The following LRRIQ1 variants were observed in gnomAD, a reference collection of about 807,000 sequenced individuals.
LRRIQ1 encodes the protein leucine-rich repeat- and IQ domain-containing protein 1.
LRRIQ1 carries 210 observed loss-of-function variants against 211.9 expected under a neutral mutation model. The ratio of observed to expected loss-of-function variants is 0.99; its 90% confidence interval spans 0.89 to 1.11. The LOEUF is 1.11. LRRIQ1 is among the 50% of genes most tolerant of loss of function. The pLI, the probability that LRRIQ1 is intolerant of heterozygous loss-of-function variation, is 0.00. For missense variants in LRRIQ1, 2,136 were observed against 1,939.5 expected, an observed-to-expected ratio of 1.10 and a Z score of -1.90; for synonymous variants, 699 against 650.1, an observed-to-expected ratio of 1.08 and a Z score of -1.14.
At chr12:85,120,589 A>G (rs1388124197) in intron 15 of LRRIQ1, among the ~76,000 whole-genome samples, 1 of 152,222 alleles carries the variant, frequency 6.6e-6, no homozygotes, top group Non-Finnish European at 1.5e-5. Flanking sequence ...TTTGATTGGC[A>G]GTGAGTTTAA....
At chr12:85,176,525 AGGTGGGAATTGAACAATGAGATCACAT>A (rs1302268055) in intron 24 of LRRIQ1, among the ~76,000 whole-genome samples, 3 of 142,130 alleles carry the variant, frequency 2.1e-5, no homozygotes, top group African/African-American at 7.9e-5. Flanking sequence ...TCTCACTCAT[AGGTGGGAATTGAACAATGAGATCACAT>A]GGACACAGGA....
At chr12:85,249,021 T>C (rs532325595), downstream of LRRIQ1, among the ~76,000 whole-genome samples, 1 of 151,950 alleles carries the variant, frequency 6.6e-6, no homozygotes, top group South Asian at 2.1e-4. Context: ...AAAAAATAAG[T>C]GTTTTAGAAA....
At chr12:85,270,985 A>G in the LRRIQ1 span, among the ~76,000 whole-genome samples, 3 of 152,212 alleles carry the variant, frequency 2.0e-5, no homozygotes, top group Admixed American at 1.3e-4. Context: ...GCTTATCTGT[A>G]TAATGAAAAC....
At chr12:85,236,705 T>C (rs1216917778) in intron 26 of LRRIQ1, among the ~76,000 whole-genome samples, 1 of 151,414 alleles carries the variant, frequency 6.6e-6, no homozygotes. Context: ...AAGCCCGTTC[T>C]TGGAGGAAAA....
chr12:85,235,403 A>G (rs973524150), intron 26 of LRRIQ1, among the ~76,000 whole-genome samples: 5 of 152,174 alleles, frequency 3.3e-5, no homozygotes, highest in African/African-American at 1.2e-4. Flanking sequence ...GACTCCTGTG[A>G]GAGATGAAAG....
At chr12:85,197,965 T>A (rs1274695746) in intron 24 of LRRIQ1, among the ~76,000 whole-genome samples, 77 of 108,204 alleles carry the variant, frequency 7.1e-4, no homozygotes, top group African/African-American at 2.8e-3. Flanking sequence ...ATATATTATA[T>A]ATAAATATAT....
chr12:85,067,396 A>G (rs1474416662), intron 10 of LRRIQ1, among the ~76,000 whole-genome samples: 1 of 151,940 alleles, frequency 6.6e-6, no homozygotes, highest in East Asian at 1.9e-4. Flanking sequence ...CTCCAGAGCT[A>G]TATCTACATG....
chr12:85,086,856 G>A lies in LRRIQ1; in HGVS notation c.2888-11499G>A. 1.3e-5 allele frequency among the ~76,000 whole-genome samples: 2 copies of A among 151,814 alleles called. 1 individual carries two copies. Among genetic ancestry groups the A allele is most frequent in the East Asian group, 3.9e-4 (2 of 5,158 alleles). ...ATCTCTCCTCCTCCTGGCTTACAGG[G>A]GGAGTAGAAGCCCAGACTGCCTTAC... On this transcript the variant is annotated intron_variant, in intron 11 of 26. Coordinates refer to ENST00000393217, the MANE Select transcript of LRRIQ1 (RefSeq NM_001079910.2).
chr12:85,079,140 T>C lies in LRRIQ1; in HGVS notation c.2887+6042T>C, dbSNP rs75666545. 0.013 allele frequency among the ~76,000 whole-genome samples: 1,985 copies of C among 152,060 alleles called. 114 individuals are homozygous for C. The East Asian group carries it at 0.2, about 16-fold the overall frequency. Reference sequence around the variant, plus strand: ...ACCAAATAGCATTTTGGAATTATTATGAAAGCAGTACTGACTTTACAGAAT... The same window carrying C: ...ACCAAATAGCATTTTGGAATTATTACGAAAGCAGTACTGACTTTACAGAAT... On this transcript the variant is annotated intron_variant, in intron 11 of 26. Coordinates refer to ENST00000393217, the MANE Select transcript of LRRIQ1 (RefSeq NM_001079910.2).
At chr12:85,146,014 A>G (rs1021625953) in intron 19 of LRRIQ1, among the ~76,000 whole-genome samples, 1 of 151,704 alleles carries the variant, frequency 6.6e-6, no homozygotes, top group Non-Finnish European at 1.5e-5. Context: ...ACAAAAATCA[A>G]TTAGATTTGC....
intron 24 of LRRIQ1, among the ~76,000 whole-genome samples, chr12:85,163,467 G>T (rs1010055058): frequency 6.6e-6 from 1 of 151,988 alleles, no homozygotes; most frequent in African/African-American, 2.4e-5. Context: ...AATTTCCTTG[G>T]TTTTGTTGAA....
downstream of LRRIQ1, among the ~76,000 whole-genome samples, chr12:85,267,986 T>C (rs1294604929): frequency 6.6e-6 from 1 of 151,942 alleles, no homozygotes. Context: ...GCCTAATATC[T>C]TGATTTTCAT....
At chr12:85,125,289 G>A (rs1168793542) in intron 17 of LRRIQ1, among the ~76,000 whole-genome samples, 5 of 152,148 alleles carry the variant, frequency 3.3e-5, no homozygotes, top group Admixed American at 6.6e-5. Context: ...ATATTTGAAT[G>A]TATGTGCTAT....
chr12:85,126,760 T>C (rs1888395974), intron 17 of LRRIQ1, among the ~76,000 whole-genome samples: 1 of 152,096 alleles, frequency 6.6e-6, no homozygotes, highest in African/African-American at 2.4e-5. Flanking sequence ...GTAATACCGA[T>C]AATAAGCCAA....
chr12:85,175,403 C>A (rs866049498), intron 24 of LRRIQ1, among the ~76,000 whole-genome samples: 2 of 152,048 alleles, frequency 1.3e-5, no homozygotes, highest in South Asian at 2.1e-4. Flanking sequence ...TATATCAGAT[C>A]AACTCTAAAG....
chr12:85,253,441 G>A (rs1896005523), intron 1 of LRRIQ1, among the ~76,000 whole-genome samples: 1 of 151,938 alleles, frequency 6.6e-6, no homozygotes, highest in African/African-American at 2.4e-5. Flanking sequence ...TATAGCTCTG[G>A]TACTGGACCA....
chr12:85,194,775 G>C (rs1268228794), intron 24 of LRRIQ1, among the ~76,000 whole-genome samples: 1 of 152,008 alleles, frequency 6.6e-6, no homozygotes, highest in African/African-American at 2.4e-5. Context: ...AGAAAAGCAA[G>C]AGCAAACACA....
At chr12:85,264,817 AC>A (rs1350093477), downstream of LRRIQ1, among the ~76,000 whole-genome samples, 3 of 152,058 alleles carry the variant, frequency 2.0e-5, no homozygotes, top group Non-Finnish European at 4.4e-5. Flanking sequence ...ACCCACAATG[AC>A]TTTTTGTCCT....
intron 8 of LRRIQ1, among the ~76,000 whole-genome samples, chr12:85,057,559 A>C (rs1367896955): frequency 1.3e-5 from 2 of 152,042 alleles, no homozygotes; most frequent in East Asian, 3.9e-4. Context: ...CACACCACCT[A>C]GTGGCTGCTT....
Sources: gnomAD v4.1 joint callset for allele counts (sites outside exome capture counted in the v4.1 genomes callset) on GRCh38, gnomAD v4.1.1 for gene constraint, MANE v1.5 for transcripts, NCBI Gene and HGNC (gene_info 2026-07-23, HGNC 2026-07-21) for gene names.